PDZRN4: variants seen among roughly 807,000 people sequenced by gnomAD.
The protein encoded by PDZRN4 is PDZ domain-containing RING finger protein 4.
A neutral mutation model predicts 99.0 loss-of-function variants in PDZRN4; 70 were observed. The observed-to-expected ratio is 0.71, with a 90% CI of 0.58 to 0.86. PDZRN4 has a LOEUF of 0.86. PDZRN4 is among the 40% of genes least tolerant of loss of function. The probability of loss-of-function intolerance (pLI) is 0.00; values close to 1 mark genes in which losing one functional copy is unlikely to be tolerated. For missense variants in PDZRN4, 1,474 were observed against 1,331.2 expected (o/e 1.11, Z -1.67); for synonymous variants, 551 against 501.6 (o/e 1.10, Z -1.32).
chr12:41,285,117 G>A (rs1316337280), intron 3 of PDZRN4, among the ~76,000 whole-genome samples: 2 of 151,720 alleles, frequency 1.3e-5, no homozygotes, highest in Non-Finnish European at 2.9e-5. Flanking sequence ...TCTGACAAAG[G>A]GCTAATATCC....
intron 3 of PDZRN4, among the ~76,000 whole-genome samples, chr12:41,267,502 T>G (rs1485185308): frequency 1.3e-5 from 2 of 152,060 alleles, no homozygotes; most frequent in African/African-American, 4.8e-5. Context: ...GTCCTTTCTC[T>G]ATGATATTGA....
At chr12:41,553,177 A>T (rs964417896) in intron 6 of PDZRN4, among the ~76,000 whole-genome samples, 1 of 152,206 alleles carries the variant, frequency 6.6e-6, no homozygotes, top group Non-Finnish European at 1.5e-5. Context: ...TACTCTGCTG[A>T]TGGCATTGAT....
At chr12:41,395,313 T>G (rs571718993) in intron 3 of PDZRN4, among the ~76,000 whole-genome samples, 1 of 152,288 alleles carries the variant, frequency 6.6e-6, no homozygotes, top group East Asian at 1.9e-4. Context: ...GTAATTGATA[T>G]AGACATTCCT....
At chr12:41,193,088 T>G (rs763230179) in intron 2 of PDZRN4, among the ~76,000 whole-genome samples, 5 of 152,224 alleles carry the variant, frequency 3.3e-5, no homozygotes, top group African/African-American at 1.2e-4. Flanking sequence ...TTCTTCCTTG[T>G]TTTTAGTATT....
chr12:41,552,752 G>A lies in PDZRN4; in HGVS notation c.1300G>A (p.Glu434Lys), dbSNP rs372410072. The change falls in exon 6 of 10, where the codon GAG becomes AAG. Residue 434 changes from glutamate to lysine, a missense_variant and splice_region_variant. By Grantham distance (56) the Glu-to-Lys change is moderately conservative. Coordinates refer to ENST00000402685, the MANE Select transcript of PDZRN4 (RefSeq NM_001164595.2). ...DEEDTGIYVS[E>K]VDPNSIAAKD... ...AGAAGACACCGGCATTTATGTCAGC[G>A]AGGTAAGAAACGCCATGGAGGGGAA... is the stretch of plus-strand genomic sequence containing the variant. 1.3e-5 allele frequency: 21 copies of A among 1,612,168 alleles called. No individual in the cohort carries two copies. The highest frequency in any genetic ancestry group is 1.2e-4 in the African/African-American group (9 of 74,866).
chr12:41,370,513 GT>G (rs1447537839), intron 3 of PDZRN4, among the ~76,000 whole-genome samples: 1 of 151,808 alleles, frequency 6.6e-6, no homozygotes, highest in Non-Finnish European at 1.5e-5. Context: ...TGTCTTTGAT[GT>G]CTTACAGTTA....
intron 3 of PDZRN4, among the ~76,000 whole-genome samples, chr12:41,259,884 A>G (rs1348604024): frequency 6.6e-6 from 1 of 152,132 alleles, no homozygotes; most frequent in Non-Finnish European, 1.5e-5. Context: ...AATCTATAGA[A>G]ATCGAAGTGT....
rs35577124 is a variant in PDZRN4, at chr12:41,506,661, G to A, written c.1049G>A (p.Arg350His). 34,584 of 1,613,580 alleles carry A rather than the reference G, an allele frequency of 0.021. 2,736 individuals are homozygous for A. Among genetic ancestry groups the A allele is most frequent in the African/African-American group, 0.2 (14,661 of 74,938 alleles). ...CACATCATGGCTCTGGCCAAGCTTC[G>A]TCCACCTACCCCTCCAGTGCCAGAC... is the stretch of plus-strand genomic sequence containing the variant. Reference protein sequence around the residue: ...FEHIMALAKLRPPTPPVPDIC... With the variant: ...FEHIMALAKLHPPTPPVPDIC... Residue 350 changes from arginine to histidine, a missense_variant, in exon 4 of 10, where the codon CGT (arginine) becomes CAT (histidine). Transcript: ENST00000402685.
At chr12:41,414,217 C>A (rs150040542) in intron 3 of PDZRN4, among the ~76,000 whole-genome samples, 3 of 152,204 alleles carry the variant, frequency 2.0e-5, no homozygotes, top group African/African-American at 4.8e-5. Context: ...CATGACCTGA[C>A]CTTTTTCTCT....
intron 3 of PDZRN4, among the ~76,000 whole-genome samples, chr12:41,239,325 G>A (rs1951088765): frequency 6.6e-6 from 1 of 152,146 alleles, no homozygotes; most frequent in Non-Finnish European, 1.5e-5. Flanking sequence ...GTGGAGGAAT[G>A]TTGTGGGGAG....
intron 3 of PDZRN4, among the ~76,000 whole-genome samples, chr12:41,323,117 C>CAA (rs753028915): frequency 6.6e-6 from 1 of 152,090 alleles, no homozygotes; most frequent in Non-Finnish European, 1.5e-5. Flanking sequence ...TGGATCTTAT[C>CAA]AAAATATTGC....
intron 5 of PDZRN4, among the ~76,000 whole-genome samples, chr12:41,510,531 T>C (rs1276422334): frequency 6.6e-6 from 1 of 152,160 alleles, no homozygotes; most frequent in South Asian, 2.1e-4. Flanking sequence ...AGTTAAAGAA[T>C]GTATCCTAAT....
chr12:41,421,828 AAAGT>A (rs1952493096), intron 3 of PDZRN4, among the ~76,000 whole-genome samples: 1 of 152,178 alleles, frequency 6.6e-6, no homozygotes, highest in African/African-American at 2.4e-5. Flanking sequence ...GAAAAATAGT[AAAGT>A]ATTACCAACA....
intron 3 of PDZRN4, among the ~76,000 whole-genome samples, chr12:41,300,294 C>T (rs1466305372): frequency 6.6e-6 from 1 of 151,822 alleles, no homozygotes; most frequent in Non-Finnish European, 1.5e-5. Flanking sequence ...AACAAATGTA[C>T]TATGTCAGTA....
chr12:41,546,872 A>G (rs1368313269), intron 5 of PDZRN4, among the ~76,000 whole-genome samples: 2 of 152,190 alleles, frequency 1.3e-5, no homozygotes, highest in African/African-American at 4.8e-5. Context: ...TATGAAAATG[A>G]CATTTTATGA....
At chr12:41,339,588 T>G (rs1263010612) in intron 3 of PDZRN4, among the ~76,000 whole-genome samples, 1 of 151,568 alleles carries the variant, frequency 6.6e-6, no homozygotes, top group Non-Finnish European at 1.5e-5. Context: ...TGAGACCATA[T>G]CAAGTTAAAA....
Position 41,573,548 on chromosome 12 carries a change from T to C in PDZRN4, c.2769T>C (p.Ser923=). ...ERALKIKEER[S]GMTTDDDTMS... is the part of the protein sequence containing the mutation. Reference sequence around the variant, plus strand: ...CCTTAAAGATCAAGGAAGAGCGGAGTGGCATGACCACAGACGATGACACCA... The same window carrying C: ...CCTTAAAGATCAAGGAAGAGCGGAGCGGCATGACCACAGACGATGACACCA... The change falls in exon 10 of 10, where the codon AGT becomes AGC. Residue 923 remains serine, a synonymous_variant. Coordinates refer to ENST00000402685, the MANE Select transcript of PDZRN4 (RefSeq NM_001164595.2). 1 of 1,613,426 alleles carries C rather than the reference T, an allele frequency of 6.2e-7. No individual in the cohort carries two copies. Among genetic ancestry groups the C allele is most frequent in the Non-Finnish European group, 8.5e-7 (1 of 1,179,882 alleles).
intron 3 of PDZRN4, among the ~76,000 whole-genome samples, chr12:41,497,945 T>G (rs1247670989): frequency 2.0e-5 from 3 of 152,104 alleles, no homozygotes; most frequent in Non-Finnish European, 4.4e-5. Flanking sequence ...ATGAATCTAT[T>G]TTTAACTAAT....
At chr12:41,402,786 G>T (rs1443740312) in intron 3 of PDZRN4, among the ~76,000 whole-genome samples, 2 of 150,494 alleles carry the variant, frequency 1.3e-5, no homozygotes, top group East Asian at 3.9e-4. Flanking sequence ...TTTTGTATAA[G>T]AAAACAATCC....
Sources: allele counts gnomAD v4.1 joint callset (sites outside exome capture counted in the v4.1 genomes callset), GRCh38; gene constraint gnomAD v4.1.1; transcripts MANE v1.5; gene names NCBI Gene and HGNC (gene_info 2026-07-23, HGNC 2026-07-21).